GALNT13: variants seen among roughly 807,000 people sequenced by gnomAD.
GALNT13 encodes the protein UDP-GalNAc:polypeptide N-acetylgalactosaminyltransferase 13.
Under a neutral mutation model 64.2 loss-of-function variants are expected in GALNT13, and 28 were observed. The observed-to-expected ratio is 0.44, with a 90% confidence interval of 0.32 to 0.60. GALNT13 has a LOEUF of 0.60. Ranked by LOEUF, GALNT13 falls within the 20% of genes least tolerant of loss-of-function variation. The pLI is 0.05. For missense variants in GALNT13, 577 were observed against 669.8 expected (o/e 0.86, Z 1.53); for synonymous variants, 214 against 224.6 (o/e 0.95, Z 0.42).
At chr2:154,069,645 A>G (rs1700643808) in intron 3 of GALNT13, among the ~76,000 whole-genome samples, 4 of 152,048 alleles carry the variant, frequency 2.6e-5, no homozygotes, top group Admixed American at 2.6e-4. Context: ...AGAAGAATGC[A>G]TATTACCAGT....
the GALNT13 span, among the ~76,000 whole-genome samples, chr2:153,351,072 T>A: frequency 6.6e-6 from 1 of 152,142 alleles, no homozygotes; most frequent in Non-Finnish European, 1.5e-5. Context: ...CCAGAAAAAC[T>A]AAGTAAGCTC....
At chr2:153,765,594 C>T in the GALNT13 span, among the ~76,000 whole-genome samples, 1 of 152,070 alleles carries the variant, frequency 6.6e-6, no homozygotes, top group Admixed American at 6.6e-5. Context: ...GGACTGTGGA[C>T]TTTTGAGTTA....
At chr2:153,621,573 A>G in the GALNT13 span, among the ~76,000 whole-genome samples, 3 of 152,130 alleles carry the variant, frequency 2.0e-5, no homozygotes, top group Non-Finnish European at 4.4e-5. Context: ...GCCCAGAGGT[A>G]CTGTCTGGGA....
chr2:154,052,134 TCAGACTAACCTC>T (rs1404746361), intron 3 of GALNT13, among the ~76,000 whole-genome samples: 2 of 152,190 alleles, frequency 1.3e-5, no homozygotes, highest in African/African-American at 4.8e-5. Context: ...TCCTAATCCT[TCAGACTAACCTC>T]CATGAGAGCA....
At chr2:153,974,119 C>T (rs373021245) in intron 3 of GALNT13, among the ~76,000 whole-genome samples, 2 of 152,172 alleles carry the variant, frequency 1.3e-5, no homozygotes, top group East Asian at 3.9e-4. Flanking sequence ...ACACTGATGG[C>T]AGATAAATCT....
chr2:153,148,449 A>G, the GALNT13 span, among the ~76,000 whole-genome samples: 2 of 151,462 alleles, frequency 1.3e-5, no homozygotes, highest in Non-Finnish European at 2.9e-5. Flanking sequence ...ATGAGAAAAA[A>G]ACAACAACAT....
chr2:153,726,552 C>T, the GALNT13 span, among the ~76,000 whole-genome samples: 5 of 152,278 alleles, frequency 3.3e-5, no homozygotes, highest in African/African-American at 7.2e-5. Flanking sequence ...GCCTAAACTT[C>T]TACCTGCTTA....
At chr2:153,481,307 T>C in the GALNT13 span, among the ~76,000 whole-genome samples, 1 of 152,314 alleles carries the variant, frequency 6.6e-6, no homozygotes, top group East Asian at 1.9e-4. Flanking sequence ...TCTGTGTTGC[T>C]AGAGAAATCT....
the GALNT13 span, among the ~76,000 whole-genome samples, chr2:153,627,264 T>C: frequency 6.6e-6 from 1 of 152,128 alleles, no homozygotes; most frequent in Admixed American, 6.6e-5. Context: ...ATCATAATTA[T>C]GTATCTTTCT....
chr2:153,378,300 ATAGATAGATAAT>A, the GALNT13 span, among the ~76,000 whole-genome samples: 30 of 107,758 alleles, frequency 2.8e-4, no homozygotes, highest in Admixed American at 8.5e-4. Context: ...AGATAGATAG[ATAGATAGATAAT>A]TTTTTTTTTT....
At chr2:154,341,271 TAG>T (rs1439715851) in intron 9 of GALNT13, among the ~76,000 whole-genome samples, 1 of 152,134 alleles carries the variant, frequency 6.6e-6, no homozygotes, top group East Asian at 1.9e-4. Flanking sequence ...ACTTTGCTAC[TAG>T]AGAGAGCCAT....
the GALNT13 span, among the ~76,000 whole-genome samples, chr2:153,399,716 C>T: frequency 6.6e-6 from 1 of 151,306 alleles, no homozygotes; most frequent in Non-Finnish European, 1.5e-5. Flanking sequence ...CATGATTTGG[C>T]TCTCTGTTTG....
the GALNT13 span, among the ~76,000 whole-genome samples, chr2:153,090,738 G>C: frequency 3.9e-5 from 6 of 152,182 alleles, no homozygotes; most frequent in African/African-American, 1.4e-4. Flanking sequence ...ATACCATCAA[G>C]TGGGGGCAGG....
the GALNT13 span, among the ~76,000 whole-genome samples, chr2:153,584,694 G>A: frequency 1.5e-3 from 234 of 152,272 alleles, 8 homozygotes; most frequent in East Asian, 0.043. Context: ...CAGAAAACAA[G>A]GATAGATACA....
At chr2:153,444,511 T>TA in the GALNT13 span, among the ~76,000 whole-genome samples, 2 of 152,324 alleles carry the variant, frequency 1.3e-5, no homozygotes, top group Non-Finnish European at 2.9e-5. Flanking sequence ...ATGGTATGAC[T>TA]AGGGTGTAAA....
the GALNT13 span, among the ~76,000 whole-genome samples, chr2:153,755,647 C>T: frequency 6.6e-6 from 1 of 152,028 alleles, no homozygotes; most frequent in Non-Finnish European, 1.5e-5. Context: ...TGTATATTAA[C>T]CCCTTATCTG....
the GALNT13 span, chr2:153,478,817 G>A: frequency 6.7e-6 from 3 of 447,634 alleles, no homozygotes; most frequent in Non-Finnish European, 1.2e-5. Flanking sequence ...GCTCGAGGGG[G>A]GGCTGTTGGA....
chr2:153,785,096 C>G, the GALNT13 span, among the ~76,000 whole-genome samples: 1 of 152,208 alleles, frequency 6.6e-6, no homozygotes, highest in Non-Finnish European at 1.5e-5. Context: ...GAATGGAGCT[C>G]CCAGAGAGAG....
At chr2:153,911,304 T>C (rs1189645210) in intron 2 of GALNT13, among the ~76,000 whole-genome samples, 2 of 152,266 alleles carry the variant, frequency 1.3e-5, no homozygotes, top group East Asian at 1.9e-4. Flanking sequence ...GTGAGTGTCA[T>C]TGTATGTGTG....
Sources: allele counts gnomAD v4.1 joint callset (sites outside exome capture counted in the v4.1 genomes callset), GRCh38; gene constraint gnomAD v4.1.1; transcripts MANE v1.5; gene names NCBI Gene and HGNC (gene_info 2026-07-23, HGNC 2026-07-21).